CDK14: variants seen among roughly 807,000 people sequenced by gnomAD.
The protein encoded by CDK14 is cyclin dependent kinase 14, also known as cyclin-dependent kinase 14.
In CDK14, 34 loss-of-function variants were observed where a neutral mutation model predicts 60.7. The ratio of observed to expected loss-of-function variants is 0.56; its 90% confidence interval spans 0.43 to 0.75. The LOEUF is 0.75. CDK14 is among the 30% of genes least tolerant of loss of function. The probability of loss-of-function intolerance (pLI) is 0.00; values close to 1 mark genes in which losing one functional copy is unlikely to be tolerated. For synonymous variants in CDK14, 197 were observed against 203.7 expected (o/e 0.97, Z 0.28); for missense variants, 482 against 564.1 (o/e 0.85, Z 1.47).
intron 5 of CDK14, among the ~76,000 whole-genome samples, chr7:90,797,753 T>C (rs1788490351): frequency 1.3e-5 from 2 of 151,788 alleles, no homozygotes; most frequent in African/African-American, 4.9e-5. Flanking sequence ...GCAGGAGGAA[T>C]AGAGAGAGGG....
intron 14 of CDK14, among the ~76,000 whole-genome samples, chr7:91,160,351 C>T (rs897490943): frequency 6.6e-6 from 1 of 152,120 alleles, no homozygotes; most frequent in Non-Finnish European, 1.5e-5. Context: ...ACCACCTCCA[C>T]CCTGGAATTT....
intron 4 of CDK14, among the ~76,000 whole-genome samples, chr7:90,781,875 T>G (rs970456040): frequency 1.1e-4 from 16 of 151,962 alleles, no homozygotes; most frequent in East Asian, 1.9e-4. Context: ...TGTTCTTTTG[T>G]CTTAGGATTG....
At chr7:90,653,767 C>T (rs552512700) in intron 2 of CDK14, among the ~76,000 whole-genome samples, 28 of 152,226 alleles carry the variant, frequency 1.8e-4, no homozygotes, top group African/African-American at 6.7e-4. Flanking sequence ...GTGCTGCACC[C>T]ATTAACTCGT....
At chr7:91,003,340 C>G (rs1427824627) in intron 10 of CDK14, among the ~76,000 whole-genome samples, 1 of 152,180 alleles carries the variant, frequency 6.6e-6, no homozygotes, top group Non-Finnish European at 1.5e-5. Flanking sequence ...CTGTCGCAGT[C>G]TCCATATCAC....
rs191108623 is a variant in CDK14 at position 90,720,620 on chromosome 7, A to G, written c.124-5947A>G. On this transcript the variant is annotated intron_variant, in intron 2 of 14. Coordinates refer to ENST00000380050, the MANE Select transcript of CDK14 (RefSeq NM_001287135.2). ...GACATATTCTAGATACTTTTAAACA[A>G]AGAAGACATATGTAAATGTAATGAT... Among the ~76,000 whole-genome samples the G allele has an allele frequency of 1.2e-3, 185 of 152,242 alleles. 1 individual carries two copies. Among genetic ancestry groups the G allele is most frequent in the Non-Finnish European group, 2.4e-3 (165 of 68,018 alleles).
rs114140895 is a variant in CDK14 at position 90,880,641 on chromosome 7, C to T, written c.639+17372C>T. On this transcript the variant is annotated intron_variant, in intron 6 of 14. Transcript: ENST00000380050. ...CACCCAACTGGATGAGACCATCCAA[C>T]GGGGGTAGTCAGACACCCTATACAG... is the stretch of plus-strand genomic sequence containing the variant. Among the ~76,000 whole-genome samples the T allele has an allele frequency of 6.7e-3, 1,014 of 152,228 alleles. 12 individuals carry two copies. The highest frequency in any genetic ancestry group is 0.023 in the African/African-American group (968 of 41,538).
intron 10 of CDK14, among the ~76,000 whole-genome samples, chr7:91,038,798 G>T (rs992462731): frequency 6.6e-6 from 1 of 151,934 alleles, no homozygotes; most frequent in Non-Finnish European, 1.5e-5. Flanking sequence ...ACATCTGATG[G>T]TTTAAAAAAT....
chr7:90,934,651 A>T (rs1793696066), intron 8 of CDK14, among the ~76,000 whole-genome samples: 1 of 152,226 alleles, frequency 6.6e-6, no homozygotes, highest in African/African-American at 2.4e-5. Context: ...GTAAATTAAA[A>T]AACTAAGAAT....
intron 5 of CDK14, among the ~76,000 whole-genome samples, chr7:90,806,929 C>T (rs1392492393): frequency 7.9e-5 from 12 of 152,210 alleles, no homozygotes; most frequent in African/African-American, 1.9e-4. Context: ...GAGGGGCACC[C>T]GCCATTGCCC....
chr7:90,637,474 G>C (rs1241782489), intron 2 of CDK14, among the ~76,000 whole-genome samples: 1 of 151,522 alleles, frequency 6.6e-6, no homozygotes, highest in Admixed American at 6.6e-5. Flanking sequence ...CTGAGTTCTA[G>C]TTTGATTGCA....
intron 10 of CDK14, among the ~76,000 whole-genome samples, chr7:91,021,514 T>C (rs1464965517): frequency 6.6e-6 from 1 of 152,246 alleles, no homozygotes; most frequent in Non-Finnish European, 1.5e-5. Context: ...TCCAACATTA[T>C]GGTTTTGTTG....
intron 14 of CDK14, among the ~76,000 whole-genome samples, chr7:91,190,271 T>C (rs527317656): frequency 6.6e-6 from 1 of 151,884 alleles, no homozygotes; most frequent in Non-Finnish European, 1.5e-5. Context: ...TGAACCAAGA[T>C]AAATAGTGGC....
chr7:90,795,427 T>A (rs1397249530), intron 5 of CDK14, among the ~76,000 whole-genome samples: 1 of 151,052 alleles, frequency 6.6e-6, no homozygotes, highest in African/African-American at 2.4e-5. Flanking sequence ...AATTAATTTT[T>A]ATTTATTTTT....
At position 91,074,937 on chromosome 7, in the gene CDK14, C is replaced by T. The variant is rs192492254; in HGVS notation, c.1106-4495C>T. ...ACACATACACCCTCTCAAGATTAAA[C>T]CAGGAAGAAGTTGAATCTCTGAATA... On this transcript the variant is annotated intron_variant, in intron 11 of 14. Coordinates refer to ENST00000380050, the MANE Select transcript of CDK14 (RefSeq NM_001287135.2). Among the ~76,000 whole-genome samples, 5 of 152,170 alleles carry T rather than the reference C, an allele frequency of 3.3e-5. No individual in the cohort carries two copies. In the East Asian group the frequency reaches 7.7e-4, roughly 24 times the overall value.
At chr7:91,159,508 T>C (rs150324471) in intron 14 of CDK14, among the ~76,000 whole-genome samples, 1 of 152,190 alleles carries the variant, frequency 6.6e-6, no homozygotes, top group African/African-American at 2.4e-5. Flanking sequence ...CTAAAATAGA[T>C]CTAATTATCA....
chr7:90,799,439 G>A (rs772719914), intron 5 of CDK14, among the ~76,000 whole-genome samples: 8 of 152,106 alleles, frequency 5.3e-5, no homozygotes, highest in African/African-American at 9.7e-5. Context: ...TGTAATCCCA[G>A]TACTTTGGGA....
chr7:91,122,073 A>G (rs1300570716), intron 14 of CDK14, among the ~76,000 whole-genome samples: 2 of 152,194 alleles, frequency 1.3e-5, no homozygotes, highest in Non-Finnish European at 2.9e-5. Flanking sequence ...CTGAAATAGT[A>G]TGTGCTCATT....
chr7:90,999,440 T>C (rs1186688499), intron 10 of CDK14, among the ~76,000 whole-genome samples: 1 of 150,662 alleles, frequency 6.6e-6, no homozygotes, highest in Admixed American at 6.6e-5. Flanking sequence ...AAAAAAAAAA[T>C]TAGCCAGGCA....
chr7:90,954,958 C>G (rs1181426358), intron 8 of CDK14, among the ~76,000 whole-genome samples: 1 of 151,010 alleles, frequency 6.6e-6, no homozygotes, highest in African/African-American at 2.4e-5. Context: ...AAAAACAGAC[C>G]TACAAATATT....
Sources: allele counts gnomAD v4.1 joint callset (sites outside exome capture counted in the v4.1 genomes callset), GRCh38; gene constraint gnomAD v4.1.1; transcripts MANE v1.5; gene names NCBI Gene and HGNC (gene_info 2026-07-23, HGNC 2026-07-21).